The following GRK7 variants were observed in gnomAD, a reference collection of about 807,000 sequenced individuals.
GRK7 encodes G protein-coupled receptor kinase 7.
A neutral mutation model predicts 34.1 loss-of-function variants in GRK7; 24 were observed. The ratio of observed to expected loss-of-function variants is 0.70; its 90% CI spans 0.51 to 0.99. GRK7 has a LOEUF of 0.99. GRK7 is among the 50% of genes least tolerant of loss of function. GRK7 has a pLI of 0.00. For synonymous variants in GRK7, 256 were observed against 279.4 expected (o/e 0.92, Z 0.84); for missense variants, 644 against 707.3 (o/e 0.91, Z 1.02).
intron 4 of GRK7, among the ~76,000 whole-genome samples, chr3:141,797,813 G>T (rs1710910192): frequency 6.6e-6 from 1 of 152,144 alleles, no homozygotes; most frequent in Admixed American, 6.5e-5. Context: ...TTTGATAGTG[G>T]AATTGGAGGT....
rs2084568259 is a variant in GRK7 at position 141,763,879 on chromosome 3, A to C, written c.-2074A>C. On this transcript the variant is annotated 5_prime_UTR_variant, in exon 1 of 6. Transcript: ENST00000682958. The stretch of plus-strand genomic sequence containing the variant: ...CTCCGTCCTCTTCCCTTCCCTACAA[A>C]TTCCCTCCATTTTGTTTTCCCTAAA... Among the ~76,000 whole-genome samples the C allele has an allele frequency of 6.6e-6, 1 of 151,606 alleles. No individual in the cohort carries two copies. The highest frequency in any genetic ancestry group is 6.6e-5 in the Admixed American group (1 of 15,202).
At chr3:141,751,965 C>T in the GRK7 span, among the ~76,000 whole-genome samples, 1 of 152,184 alleles carries the variant, frequency 6.6e-6, no homozygotes, top group African/African-American at 2.4e-5. Context: ...TTTTAAGTGA[C>T]CTTCTGCATA....
At chr3:141,780,027 C>T (rs553948573) in intron 3 of GRK7, among the ~76,000 whole-genome samples, 10 of 152,244 alleles carry the variant, frequency 6.6e-5, no homozygotes, top group African/African-American at 2.2e-4. Flanking sequence ...GGATTTATGC[C>T]CAGGAGTGGA....
intron 5 of GRK7, among the ~76,000 whole-genome samples, chr3:141,808,335 T>C (rs1711057181): frequency 6.6e-6 from 1 of 152,194 alleles, no homozygotes; most frequent in Non-Finnish European, 1.5e-5. Context: ...AATAAATGTA[T>C]TAAAATCACA....
At chr3:141,762,119 C>G (rs967904410), upstream of GRK7, among the ~76,000 whole-genome samples, 7 of 150,836 alleles carry the variant, frequency 4.6e-5, no homozygotes, top group Non-Finnish European at 1.0e-4. Flanking sequence ...CTCAACTCGT[C>G]AAAGTCATTC....
chr3:141,797,927 A>G (rs1227032854), intron 4 of GRK7, among the ~76,000 whole-genome samples: 1 of 152,202 alleles, frequency 6.6e-6, no homozygotes, highest in African/African-American at 2.4e-5. Flanking sequence ...AAAACTGTTA[A>G]GAGGTGAACT....
Position 141,778,880 on chromosome 3 carries a change from A to T in GRK7, c.596A>T (p.Lys199Ile), listed in dbSNP as rs765538885. The change falls in exon 3 of 6, where the codon AAA becomes ATA. Residue 199 changes from lysine to isoleucine, a missense_variant. Lys to Ile is a moderately radical substitution (Grantham distance 102). Coordinates refer to ENST00000682958, the MANE Select transcript of GRK7 (RefSeq NM_139209.3). This position sits in a 1 kb window ranked among gnomAD's most constrained non-coding sequence, Gnocchi z 4.1. ...KYFTEFRVLG[K>I]GGFGEVCAVQ... The stretch of plus-strand genomic sequence containing the variant: ...TTCACTGAGTTCAGAGTGCTGGGGA[A>T]AGGTGGTTTTGGGGAGGTAAGTGTC... 78 of 1,610,606 alleles carry T rather than the reference A, an allele frequency of 4.8e-5. No individual in the cohort carries two copies. Among genetic ancestry groups the T allele is most frequent in the Non-Finnish European group, 6.6e-5 (78 of 1,178,490 alleles).
chr3:141,776,305 AATAAAAAAT>A (rs1320133694), intron 2 of GRK7, among the ~76,000 whole-genome samples: 3 of 151,908 alleles, frequency 2.0e-5, no homozygotes, highest in Non-Finnish European at 4.4e-5. Flanking sequence ...AATTAAAAAA[AATAAAAAAT>A]ATATATAAAT....
chr3:141,793,453 T>C (rs574547025), intron 4 of GRK7, among the ~76,000 whole-genome samples: 4 of 152,332 alleles, frequency 2.6e-5, no homozygotes, highest in African/African-American at 9.6e-5. Flanking sequence ...AGTTTGTTTC[T>C]TCTACTCAGG....
chr3:141,766,553 C>T (rs1015020616), intron 1 of GRK7, among the ~76,000 whole-genome samples: 1 of 152,164 alleles, frequency 6.6e-6, no homozygotes, highest in African/African-American at 2.4e-5. Context: ...AAAGCAGACT[C>T]ACCGAAATTT....
At chr3:141,767,774 G>A (rs560456151) in intron 1 of GRK7, among the ~76,000 whole-genome samples, 3 of 152,146 alleles carry the variant, frequency 2.0e-5, no homozygotes, top group Non-Finnish European at 4.4e-5. Flanking sequence ...TCCTTTGTGT[G>A]TCACACTAGA....
intron 4 of GRK7, among the ~76,000 whole-genome samples, chr3:141,804,143 C>T (rs1695664009): frequency 6.6e-6 from 1 of 152,172 alleles, no homozygotes; most frequent in Non-Finnish European, 1.5e-5. Flanking sequence ...CTTTTATTTT[C>T]GAGTAAACTC....
chr3:141,815,820 C>T (rs1278267968), intron 5 of GRK7, among the ~76,000 whole-genome samples: 1 of 151,404 alleles, frequency 6.6e-6, no homozygotes, highest in Non-Finnish European at 1.5e-5. Flanking sequence ...TTGACAATAA[C>T]CACATGAGTG....
At position 141,816,708 on chromosome 3, in the gene GRK7, T is replaced by C; in HGVS notation, c.1326-6T>C. On this transcript the variant is annotated splice_polypyrimidine_tract_variant and splice_region_variant and intron_variant, in intron 5 of 5. Transcript: ENST00000682958. ...GTCTCAGGCTGATCATCTCCTTTCT[T>C]CACAGAGAAAAGTCTGATGATCCCA... 2.0e-6 allele frequency: 3 copies of C among 1,508,888 alleles called. No homozygotes were observed. The highest frequency in any genetic ancestry group is 2.7e-6 in the Non-Finnish European group (3 of 1,126,028). The allele number at this position is 1,508,888 out of a possible 1,614,324, so 93.5% of individuals were successfully genotyped here.
chr3:141,796,727 A>G (rs555144269), intron 4 of GRK7, among the ~76,000 whole-genome samples: 1 of 152,288 alleles, frequency 6.6e-6, no homozygotes, highest in African/African-American at 2.4e-5. Context: ...CTGCTGCCAG[A>G]GAGATTCATA....
At chr3:141,760,072 G>A (rs1363879911), upstream of GRK7, among the ~76,000 whole-genome samples, 18 of 147,570 alleles carry the variant, frequency 1.2e-4, no homozygotes, top group Admixed American at 5.4e-4. Flanking sequence ...TCTTGCTAGC[G>A]GTCTATCAAT....
chr3:141,753,795 T>G, the GRK7 span, among the ~76,000 whole-genome samples: 1 of 152,256 alleles, frequency 6.6e-6, no homozygotes, highest in Non-Finnish European at 1.5e-5. Context: ...CATATGAAGA[T>G]ATCATTGGTA....
chr3:141,758,905 C>A (rs1461462908), upstream of GRK7, among the ~76,000 whole-genome samples: 2 of 149,560 alleles, frequency 1.3e-5, no homozygotes, highest in Non-Finnish European at 3.0e-5. Flanking sequence ...GTATTTTATT[C>A]TCTTTGAAGC....
rs140427850 is a variant in GRK7, at chr3:141,787,982, C to T, written c.1050+7171C>T. On this transcript the variant is annotated intron_variant, in intron 4 of 5. Coordinates refer to ENST00000682958, the MANE Select transcript of GRK7 (RefSeq NM_139209.3). ...CCGTGATCACACCACTGCACTCCAG[C>T]CTGAGTGACAGAGCAAGACCTTGTC... is the stretch of plus-strand genomic sequence containing the variant. Among the ~76,000 whole-genome samples, 1,033 of 152,296 alleles carry T rather than the reference C, an allele frequency of 6.8e-3. 16 individuals carry two copies. Among genetic ancestry groups the T allele is most frequent in the African/African-American group, 0.024 (1,004 of 41,558 alleles).
Sources: allele counts gnomAD v4.1 joint callset (sites outside exome capture counted in the v4.1 genomes callset), GRCh38; gene constraint gnomAD v4.1.1; non-coding constraint Gnocchi (gnomAD v3.1); transcripts MANE v1.5; gene names NCBI Gene and HGNC (gene_info 2026-07-23, HGNC 2026-07-21).